The following KDM6A variants were observed in gnomAD, a reference collection of about 807,000 sequenced individuals.
KDM6A encodes lysine demethylase 6A.
A neutral mutation model predicts 117.6 loss-of-function variants in KDM6A; 11 were observed. That is an observed-to-expected ratio of 0.09 (90% CI 0.06 to 0.15). The LOEUF (loss-of-function observed/expected upper bound fraction) is 0.15, where lower values mean the gene tolerates loss of function less well. Ranked by LOEUF, KDM6A falls within the 10% of genes least tolerant of loss-of-function variation. The pLI, the probability that KDM6A is intolerant of heterozygous loss-of-function variation, is 1.00. For missense variants in KDM6A, 799 were observed against 1,077.3 expected (o/e 0.74, Z 3.62); for synonymous variants, 384 against 396.1 (o/e 0.97, Z 0.36).
intron 2 of KDM6A, among the ~76,000 whole-genome samples, chrX:44,958,521 A>T (rs1031166245): frequency 1.8e-5 from 2 of 109,803 alleles, no homozygotes; most frequent in African/African-American, 6.7e-5. Flanking sequence ...GATAGAGGTT[A>T]ATTATGAAAA....
intron 3 of KDM6A, among the ~76,000 whole-genome samples, chrX:44,964,322 G>A (rs894152923): frequency 6.5e-5 from 7 of 107,293 alleles, no homozygotes; most frequent in Non-Finnish European, 1.3e-4. Flanking sequence ...GGTGGTGTGT[G>A]CCTGTATTCC....
intron 7 of KDM6A, among the ~76,000 whole-genome samples, chrX:45,035,944 C>T (rs1428937344): frequency 9.0e-6 from 1 of 110,937 alleles, no homozygotes; most frequent in East Asian, 2.8e-4. Flanking sequence ...CGTGATCCTC[C>T]CACCTCGGCC....
At chrX:45,004,689 T>G (rs1315469304) in intron 4 of KDM6A, among the ~76,000 whole-genome samples, 2 of 111,415 alleles carry the variant, frequency 1.8e-5, no homozygotes, top group Non-Finnish European at 3.8e-5. Context: ...CTTTTATTAT[T>G]GTCTCTCTTA....
In KDM6A at chrX:45,058,040, G is replaced by A. The variant is rs193069255; in HGVS notation, c.876-966G>A. On this transcript the variant is annotated intron_variant, in intron 10 of 29. Coordinates refer to ENST00000611820, the MANE Select transcript of KDM6A (RefSeq NM_001291415.2). ...GCAATTAGGAATCACTAAATAATAT[G>A]CATCTTTACATATTCAAATCCCTTA... Among the ~76,000 whole-genome samples the A allele has an allele frequency of 8.0e-5, 8 of 99,834 alleles. No homozygotes were observed. In the East Asian group the frequency reaches 2.5e-3, roughly 31 times the overall value. 86.7% of individuals were successfully genotyped at this position (99,834 alleles called of 115,157 possible).
chrX:45,038,424 AG>A (rs1439232240), intron 8 of KDM6A, among the ~76,000 whole-genome samples: 1 of 111,118 alleles, frequency 9.0e-6, no homozygotes, highest in East Asian at 2.8e-4. Flanking sequence ...ATTATTGGAA[AG>A]GCATCAAGAG....
chrX:44,946,110 C>T (rs1046700035), intron 2 of KDM6A, among the ~76,000 whole-genome samples: 5 of 112,407 alleles, frequency 4.4e-5, no homozygotes, highest in Admixed American at 1.9e-4. Flanking sequence ...ATTTTCTTTT[C>T]TTTCGAGATG....
chrX:45,032,541 C>T (rs748727262), intron 6 of KDM6A, among the ~76,000 whole-genome samples: 38 of 111,292 alleles, frequency 3.4e-4, no homozygotes, highest in Non-Finnish European at 4.5e-4. Context: ...AATGTGTATT[C>T]GTGTTTTTTT....
Position 45,095,467 on chromosome X carries a change from C to T in KDM6A, c.4034+4603C>T, listed in dbSNP as rs191814728. ...TATGCCTGTTTAAGAAAAAGAAATA[C>T]GTGAGCTATATAACAGGAGAGCATG... On this transcript the variant is annotated intron_variant, in intron 27 of 29. Transcript: ENST00000611820. Among the ~76,000 whole-genome samples, 26 of 111,195 alleles carry T rather than the reference C, an allele frequency of 2.3e-4. No homozygotes were observed. In the East Asian group the frequency reaches 6.7e-3, roughly 29 times the overall value.
intron 27 of KDM6A, among the ~76,000 whole-genome samples, chrX:45,091,773 T>C (rs1036288751): frequency 3.6e-5 from 4 of 112,063 alleles, no homozygotes; most frequent in African/African-American, 1.3e-4. Flanking sequence ...TCTTAGTCTT[T>C]GTTAAAATAG....
chrX:45,101,496 G>T (rs1603033645), intron 27 of KDM6A, among the ~76,000 whole-genome samples: 1 of 110,557 alleles, frequency 9.0e-6, no homozygotes, highest in African/African-American at 3.3e-5. Context: ...TTTCCCAGGG[G>T]ACATATGCCA....
At chrX:45,102,801 A>G (rs768730514) in intron 27 of KDM6A, among the ~76,000 whole-genome samples, 1 of 111,527 alleles carries the variant, frequency 9.0e-6, no homozygotes, top group African/African-American at 3.3e-5. Flanking sequence ...GCGTTTTTTC[A>G]TTGACTGAGA....
intron 9 of KDM6A, among the ~76,000 whole-genome samples, chrX:45,053,603 C>T (rs763151424): frequency 8.9e-6 from 1 of 111,749 alleles, no homozygotes; most frequent in East Asian, 2.8e-4. Context: ...GTTTTAATTT[C>T]TCTTGAATGA....
chrX:44,894,066 GATC>G (rs2033605771), intron 2 of KDM6A, among the ~76,000 whole-genome samples: 1 of 111,775 alleles, frequency 8.9e-6, no homozygotes, highest in Middle Eastern at 4.2e-3. Flanking sequence ...TTGTGTATAA[GATC>G]ATGACAAGAA....
intron 6 of KDM6A, among the ~76,000 whole-genome samples, chrX:45,023,230 A>G (rs906063753): frequency 8.9e-6 from 1 of 112,034 alleles, no homozygotes; most frequent in Non-Finnish European, 1.9e-5. Flanking sequence ...TGGTGTGAAC[A>G]GTCTGTCCGT....
intron 3 of KDM6A, among the ~76,000 whole-genome samples, chrX:44,965,027 C>G (rs770745126): frequency 8.9e-6 from 1 of 112,623 alleles, no homozygotes; most frequent in East Asian, 2.8e-4. Context: ...TCCATCAGCA[C>G]TTGCTGCCTC....
At chrX:45,056,038 A>G (rs2044058458) in intron 10 of KDM6A, among the ~76,000 whole-genome samples, 1 of 111,189 alleles carries the variant, frequency 9.0e-6, no homozygotes, top group African/African-American at 3.3e-5. Flanking sequence ...AACTAATTTT[A>G]CATTGTAAAA....
chrX:44,924,425 T>C (rs1174441436), intron 2 of KDM6A, among the ~76,000 whole-genome samples: 1 of 112,366 alleles, frequency 8.9e-6, no homozygotes, highest in Non-Finnish European at 1.9e-5. Context: ...TGGAAATAGT[T>C]TGATGCTTTT....
At chrX:45,042,135 G>A (rs1203874201) in intron 8 of KDM6A, among the ~76,000 whole-genome samples, 117 of 108,353 alleles carry the variant, frequency 1.1e-3, no homozygotes, top group African/African-American at 3.8e-3. Flanking sequence ...GCCTGCAATC[G>A]CAGGCACTCG....
chrX:45,106,888 C>T, intron 27 of KDM6A: 1 of 195,937 alleles, frequency 5.1e-6, no homozygotes, highest in Non-Finnish European at 9.4e-6. Context: ...CCTGTAGTGA[C>T]TAAATTCATA....
Sources: allele counts gnomAD v4.1 joint callset (sites outside exome capture counted in the v4.1 genomes callset), GRCh38; gene constraint gnomAD v4.1.1; transcripts MANE v1.5; gene names NCBI Gene and HGNC (gene_info 2026-07-23, HGNC 2026-07-21).